The following HFM1 variants were observed in gnomAD, a reference collection of about 807,000 sequenced individuals.
HFM1 encodes the protein probable ATP-dependent DNA helicase HFM1.
HFM1 carries 169 observed loss-of-function variants against 192.1 expected under a neutral mutation model. That is an observed-to-expected ratio of 0.88 (90% confidence interval 0.78 to 1.00). The LOEUF is 1.00. Ranked by LOEUF, HFM1 falls within the 50% of genes least tolerant of loss-of-function variation. HFM1 has a pLI of 0.00. For missense variants in HFM1, 1,661 were observed against 1,668.0 expected (o/e 1.00, Z 0.07); for synonymous variants, 525 against 537.8 (o/e 0.98, Z 0.33).
chr1:91,281,084 T>C (rs1405160643), intron 30 of HFM1, among the ~76,000 whole-genome samples: 1 of 152,154 alleles, frequency 6.6e-6, no homozygotes, highest in Non-Finnish European at 1.5e-5. Context: ...CGTCACCATA[T>C]AGAGTGTAAT....
chr1:91,306,741 G>A (rs1649668771), intron 30 of HFM1, among the ~76,000 whole-genome samples: 2 of 151,018 alleles, frequency 1.3e-5, no homozygotes, highest in Admixed American at 6.6e-5. Context: ...TCTATTCTCT[G>A]GAAAAGTTTA....
intron 2 of HFM1, among the ~76,000 whole-genome samples, chr1:91,396,633 A>T (rs900467682): frequency 6.6e-6 from 1 of 152,168 alleles, no homozygotes; most frequent in Non-Finnish European, 1.5e-5. Context: ...AATGGCAATA[A>T]CTCTATCTCC....
chr1:91,302,001 A>C (rs1648842811), intron 30 of HFM1, among the ~76,000 whole-genome samples: 1 of 66,182 alleles, frequency 1.5e-5, no homozygotes, highest in Non-Finnish European at 2.9e-5. Context: ...CAGCCTACAG[A>C]ATGGGAGAAA....
At chr1:91,271,575 G>A (rs761857336) in intron 34 of HFM1, among the ~76,000 whole-genome samples, 1 of 152,006 alleles carries the variant, frequency 6.6e-6, no homozygotes, top group Non-Finnish European at 1.5e-5. Context: ...AAGAGGAGAT[G>A]GATAATGATC....
intron 4 of HFM1, among the ~76,000 whole-genome samples, chr1:91,390,830 A>C (rs1662889416): frequency 6.6e-6 from 1 of 152,156 alleles, no homozygotes; most frequent in Non-Finnish European, 1.5e-5. Context: ...TGTTTGCAGA[A>C]GACATGATTG....
At position 91,272,418 on chromosome 1, in the gene HFM1, T is replaced by C. The variant is rs911508992; in HGVS notation, c.3772+1294A>G. Among the ~76,000 whole-genome samples the C allele has an allele frequency of 3.3e-5, 5 of 152,032 alleles. No homozygotes were observed. In the East Asian group the frequency reaches 5.8e-4, roughly 18 times the overall value. ...CAGTAAAACAGGGATAGAGTTATTA[T>C]TGGGGGTTAAAGTATCTAGATGAGA... On this transcript the variant is annotated intron_variant, in intron 34 of 38. Coordinates refer to ENST00000370425, the MANE Select transcript of HFM1 (RefSeq NM_001017975.6).
chr1:91,327,733 A>G (rs1653127209), intron 20 of HFM1, among the ~76,000 whole-genome samples: 1 of 152,236 alleles, frequency 6.6e-6, no homozygotes, highest in Non-Finnish European at 1.5e-5. Context: ...TTAGGTCACA[A>G]AACAGGTCTT....
chr1:91,363,225 TATC>T (rs1048856623), intron 13 of HFM1, among the ~76,000 whole-genome samples: 9 of 152,002 alleles, frequency 5.9e-5, no homozygotes, highest in African/African-American at 2.2e-4. Flanking sequence ...GCAAAAGAAA[TATC>T]ATGAGAGTAA....
At chr1:91,318,842 A>G (rs1391235492) in intron 25 of HFM1, among the ~76,000 whole-genome samples, 2 of 152,212 alleles carry the variant, frequency 1.3e-5, no homozygotes, top group African/African-American at 4.8e-5. Flanking sequence ...TTCAAATGAC[A>G]GCATTAATTT....
At chr1:91,355,156 T>C (rs1657546657) in intron 13 of HFM1, among the ~76,000 whole-genome samples, 1 of 152,132 alleles carries the variant, frequency 6.6e-6, no homozygotes, top group South Asian at 2.1e-4. Flanking sequence ...TAGTCTATTA[T>C]AACTCTAAGA....
At chr1:91,311,371 A>C (rs1020253745) in intron 30 of HFM1, among the ~76,000 whole-genome samples, 1 of 152,182 alleles carries the variant, frequency 6.6e-6, no homozygotes, top group African/African-American at 2.4e-5. Context: ...CAGAAAATTT[A>C]TCCCAGCACT....
chr1:91,366,216 A>G (rs956112778), intron 13 of HFM1, among the ~76,000 whole-genome samples: 6 of 152,210 alleles, frequency 3.9e-5, no homozygotes, highest in Admixed American at 2.6e-4. Context: ...AGGAACTTGT[A>G]GTGTATTTCA....
chr1:91,330,612 C>CA lies in HFM1; in HGVS notation c.2336-5847dup, dbSNP rs1393078042. ...CACAAATCCTGCTCAAAAACTGTTT[C>CA]AAAAAATAGAGGAGGAGGGAATACT... On this transcript the variant is annotated intron_variant, in intron 20 of 38. Transcript: ENST00000370425. Among the ~76,000 whole-genome samples the CA allele has an allele frequency of 5.9e-5, 9 of 152,110 alleles. No homozygotes were observed. The East Asian group carries it at 1.7e-3, about 29-fold the overall frequency.
intron 2 of HFM1, among the ~76,000 whole-genome samples, chr1:91,400,516 CTG>C (rs1664188317): frequency 1.3e-5 from 2 of 148,398 alleles, no homozygotes; most frequent in Non-Finnish European, 3.0e-5. Context: ...GAGTTTCACT[CTG>C]TTGCTCTGGC....
intron 30 of HFM1, among the ~76,000 whole-genome samples, chr1:91,311,049 C>T (rs369710831): frequency 1.1e-4 from 16 of 152,294 alleles, no homozygotes; most frequent in African/African-American, 2.4e-4. Context: ...AAGTTTGGAA[C>T]TTCCTAGAGA....
chr1:91,263,838 C>T (rs1665412247), intron 36 of HFM1, among the ~76,000 whole-genome samples: 1 of 152,172 alleles, frequency 6.6e-6, no homozygotes, highest in African/African-American at 2.4e-5. Flanking sequence ...TGTTAGAATC[C>T]ATTTTTAAGC....
At chr1:91,329,370 C>G (rs925187912) in intron 20 of HFM1, 6 of 1,595,520 alleles carry the variant, frequency 3.8e-6, no homozygotes, top group Non-Finnish European at 4.3e-6. Flanking sequence ...GAGTAAGAGT[C>G]ATTAAGGCAG....
At chr1:91,289,486 G>A (rs1257211663) in intron 30 of HFM1, among the ~76,000 whole-genome samples, 5 of 152,146 alleles carry the variant, frequency 3.3e-5, no homozygotes, top group Admixed American at 1.3e-4. Flanking sequence ...CTGCAATCTC[G>A]GCACTTTGGG....
intron 30 of HFM1, among the ~76,000 whole-genome samples, chr1:91,288,270 CG>C (rs1668255930): frequency 6.6e-6 from 1 of 151,630 alleles, no homozygotes. Context: ...AGAGAAAGGT[CG>C]GGTTACCCTC....
Sources: gnomAD v4.1 joint callset for allele counts (sites outside exome capture counted in the v4.1 genomes callset) on GRCh38, gnomAD v4.1.1 for gene constraint, MANE v1.5 for transcripts, NCBI Gene and HGNC (gene_info 2026-07-23, HGNC 2026-07-21) for gene names.